Variants in ADGRF5 observed in about 807,000 individuals in gnomAD.
The protein encoded by ADGRF5 is G-protein coupled receptor 116.
In ADGRF5, 75 loss-of-function variants were observed where a neutral mutation model predicts 132.3. That is an observed-to-expected ratio of 0.57 (90% CI 0.47 to 0.69). The LOEUF (loss-of-function observed/expected upper bound fraction) is 0.69, where lower values mean the gene tolerates loss of function less well. Among genes scored for constraint, ADGRF5 ranks in the 30% least tolerant of loss-of-function variants. The pLI is 0.00. For missense variants in ADGRF5, 1,516 were observed against 1,630.6 expected (o/e 0.93, Z 1.21); for synonymous variants, 629 against 597.6 (o/e 1.05, Z -0.77).
intron 4 of ADGRF5, chr6:46,886,946 G>T (rs1209307353): frequency 1.3e-5 from 2 of 152,122 alleles, no homozygotes; most frequent in Admixed American, 1.3e-4. Flanking sequence ...AGTCTTTCTG[G>T]AAGGATAAAT....
Position 46,856,937 on chromosome 6 carries a change from C to G in ADGRF5, c.3775-29G>C, listed in dbSNP as rs767486509. 7.7e-6 allele frequency: 12 copies of G among 1,549,168 alleles called. No homozygotes were observed. In the South Asian group the frequency reaches 1.3e-4, roughly 17 times the overall value. On this transcript the variant is annotated intron_variant, in intron 17 of 20. Transcript: ENST00000283296. ...AGAAAAAAAAGATTGAAAAGAAGTGCATTTTAATTATAGTCTATTGTCCAG... is the reference window on the plus strand; with the variant it reads ...AGAAAAAAAAGATTGAAAAGAAGTGGATTTTAATTATAGTCTATTGTCCAG...
intron 12 of ADGRF5, among the ~76,000 whole-genome samples, 163 bp downstream of exon 12, chr6:46,868,720 G>T (rs1770729511): frequency 6.6e-6 from 1 of 152,104 alleles, no homozygotes; most frequent in African/African-American, 2.4e-5. Context: ...TGGAAATAAT[G>T]GCATCTTCCC....
Position 46,900,376 on chromosome 6 carries a change from C to T in ADGRF5, c.103-293G>A, listed in dbSNP as rs85603. Among the ~76,000 whole-genome samples the T allele has an allele frequency of 0.6, 91,889 of 151,886 alleles. 28,549 individuals are homozygous for T. Among genetic ancestry groups the T allele is most frequent in the Non-Finnish European group, 0.69 (47,010 of 67,976 alleles). On this transcript the variant is annotated intron_variant, in intron 2 of 20. Coordinates refer to ENST00000283296, the MANE Select transcript of ADGRF5 (RefSeq NM_001098518.2). ...CTCAGAGTTCCTGCAGTTTGAATCC[C>T]GTCAAAAATATAAATTATTATAATG...
chr6:46,886,270 C>A (rs1229838952), intron 4 of ADGRF5, among the ~76,000 whole-genome samples: 1 of 152,168 alleles, frequency 6.6e-6, no homozygotes, highest in Non-Finnish European at 1.5e-5. Context: ...CTGATGCAGC[C>A]TGTGTCCCAG....
chr6:46,934,181 G>C (rs1582059482), intron 1 of ADGRF5, among the ~76,000 whole-genome samples: 1 of 151,092 alleles, frequency 6.6e-6, no homozygotes, highest in African/African-American at 2.4e-5. Flanking sequence ...ATCCACTAAT[G>C]TCTCTCTCTC....
Position 46,884,084 on chromosome 6 carries a change from C to G in ADGRF5, c.505+11G>C, listed in dbSNP as rs1772791824. On this transcript the variant is annotated intron_variant, in intron 5 of 20. Transcript: ENST00000283296. ...AGCCACTCAACGAGCATTTAATGAGCAGTTACTTACCTTCCTGAAGCAGGC... is the reference window on the plus strand; with the variant it reads ...AGCCACTCAACGAGCATTTAATGAGGAGTTACTTACCTTCCTGAAGCAGGC... The G allele has an allele frequency of 1.2e-6, 2 of 1,607,774 alleles. No individual in the cohort carries two copies. Among genetic ancestry groups the G allele is most frequent in the Admixed American group, 1.7e-5 (1 of 59,684 alleles).
chr6:46,902,380 G>A (rs573523977), intron 2 of ADGRF5, among the ~76,000 whole-genome samples: 3 of 152,332 alleles, frequency 2.0e-5, no homozygotes, highest in Admixed American at 6.5e-5. Context: ...CTCCCAGGTC[G>A]AGTTTTCATT....
Position 46,879,947 on chromosome 6 carries a change from A to T in ADGRF5, c.907T>A (p.Ser303Thr), listed in dbSNP as rs1174143492. ...AACTGCTGTTCTTCATAGCGCCAAG[A>T]CACATTGGAGGACAAAACTTCCTTT... ...CEKEVLSSNV[S>T]WRYEEQQLEI... The change falls in exon 9 of 21, where the codon TCT (serine) becomes ACT (threonine). Residue 303 changes from serine (S) to threonine (T), a missense_variant. Transcript: ENST00000283296. 2.5e-6 allele frequency: 4 copies of T among 1,614,030 alleles called. No homozygotes were observed. Among genetic ancestry groups the T allele is most frequent in the Non-Finnish European group, 3.4e-6 (4 of 1,179,886 alleles).
At position 46,900,102 on chromosome 6, in the gene ADGRF5, A is replaced by G; in HGVS notation, c.103-19T>C. The G allele has an allele frequency of 1.9e-6, 3 of 1,598,484 alleles. No homozygotes were observed. The highest frequency in any genetic ancestry group is 2.6e-6 in the Non-Finnish European group (3 of 1,165,826). ...GAAGACTCTGAAAAGAACATTTGAGAAAGTTGTCAATTAACGTTAGAGAAG... is the reference window on the plus strand; with the variant it reads ...GAAGACTCTGAAAAGAACATTTGAGGAAGTTGTCAATTAACGTTAGAGAAG... On this transcript the variant is annotated intron_variant, in intron 2 of 20. Transcript: ENST00000283296.
intron 20 of ADGRF5, chr6:46,854,899 A>AG (rs1768866916): frequency 3.0e-6 from 1 of 331,394 alleles, no homozygotes; most frequent in Admixed American, 4.6e-5. Context: ...AAATTGAAGC[A>AG]GAAAAAACCC....
Position 46,879,838 on chromosome 6 carries a change from T to G in ADGRF5, c.1016A>C (p.Asn339Thr). ...CCTACCTGCATCACCTGGAGTGATG[T>G]TGTGGATGGTGAGCTTGGACACCGA... ...MTSVSKLTIH[N>T]ITPGDAGEYV... Residue 339 changes from asparagine (N) to threonine (T), a missense_variant, in exon 9 of 21, where the codon AAC becomes ACC. This residue lies in a region of ADGRF5 where 945 missense variants were observed against 929.4 expected (regional missense o/e 1.02). Coordinates refer to ENST00000283296, the MANE Select transcript of ADGRF5 (RefSeq NM_001098518.2). 2 of 1,612,452 alleles carry G rather than the reference T, an allele frequency of 1.2e-6. No individual in the cohort carries two copies. The highest frequency in any genetic ancestry group is 8.5e-7 in the Non-Finnish European group (1 of 1,178,442).
intron 20 of ADGRF5, among the ~76,000 whole-genome samples, 187 bp downstream of exon 20, chr6:46,855,787 C>A (rs1363359441): frequency 6.6e-6 from 1 of 152,186 alleles, no homozygotes; most frequent in African/African-American, 2.4e-5. Flanking sequence ...TTAGCAAAGG[C>A]AGCTGCCCTC....
At chr6:46,914,990 A>G (rs541585557) in intron 1 of ADGRF5, among the ~76,000 whole-genome samples, 4 of 151,762 alleles carry the variant, frequency 2.6e-5, no homozygotes, top group Admixed American at 2.6e-4. Flanking sequence ...CAAGTAGCTG[A>G]GACTACAGGA....
intron 12 of ADGRF5, 117 bp downstream of exon 12, chr6:46,868,766 G>A (rs1429572635): frequency 2.3e-5 from 15 of 664,984 alleles, no homozygotes; most frequent in Non-Finnish European, 2.4e-5. Context: ...AAGACATATT[G>A]AATTTAAAGT....
At chr6:46,864,149 A>C (rs1254977099) in intron 14 of ADGRF5, among the ~76,000 whole-genome samples, 1 of 152,232 alleles carries the variant, frequency 6.6e-6, no homozygotes. Context: ...TTGTCTTAAC[A>C]TAAGATTCTC....
At position 46,903,081 on chromosome 6, in the gene ADGRF5, T is replaced by A. The variant is rs554852561; in HGVS notation, c.103-2998A>T. Among the ~76,000 whole-genome samples the A allele has an allele frequency of 1.2e-4, 19 of 152,218 alleles. 1 individual carries two copies. The South Asian group carries it at 3.9e-3, about 32-fold the overall frequency. ...CTCTGGTAGTGGTGAGTGTCGTGTA[T>A]CCTGCCGGCATGGGGCTCACTGGGG... On this transcript the variant is annotated intron_variant, in intron 2 of 20. Transcript: ENST00000283296.
chr6:46,884,695 T>C (rs1664368591), intron 4 of ADGRF5, among the ~76,000 whole-genome samples: 2 of 152,224 alleles, frequency 1.3e-5, no homozygotes. Context: ...GTAGAGGTGA[T>C]GGTATGGCAC....
At chr6:46,881,064 C>G (rs986199147) in intron 8 of ADGRF5, among the ~76,000 whole-genome samples, 7 of 152,204 alleles carry the variant, frequency 4.6e-5, no homozygotes, top group Non-Finnish European at 1.0e-4. Context: ...TACACTATTG[C>G]ACTCCAGCCG....
intron 1 of ADGRF5, among the ~76,000 whole-genome samples, chr6:46,913,649 A>T (rs1776172579): frequency 6.6e-6 from 1 of 152,176 alleles, no homozygotes; most frequent in Non-Finnish European, 1.5e-5. Context: ...GTTGGATAGA[A>T]ACTGTACTGG....
Sources: allele counts gnomAD v4.1 joint callset (sites outside exome capture counted in the v4.1 genomes callset), GRCh38; gene constraint gnomAD v4.1.1; regional missense constraint gnomAD v4.1.1; transcripts MANE v1.5; gene names NCBI Gene and HGNC (gene_info 2026-07-23, HGNC 2026-07-21).